The following MORN1 variants were observed in gnomAD, a reference collection of about 807,000 sequenced individuals.
The protein encoded by MORN1 is MORN repeat-containing protein 1.
Under a neutral mutation model 61.9 loss-of-function variants are expected in MORN1, and 67 were observed. The observed-to-expected ratio is 1.08, with a 90% CI of 0.89 to 1.33. MORN1 has a LOEUF of 1.33. Among genes scored for constraint, MORN1 ranks in the 40% most tolerant of loss-of-function variants. The pLI, the probability that MORN1 is intolerant of heterozygous loss-of-function variation, is 0.00. For synonymous variants in MORN1, 301 were observed against 292.0 expected (o/e 1.03, Z -0.31); for missense variants, 752 against 691.2 (o/e 1.09, Z -0.99).
At chr1:2,379,619 G>C (rs537669155) in intron 6 of MORN1, among the ~76,000 whole-genome samples, 1 of 152,210 alleles carries the variant, frequency 6.6e-6, no homozygotes. Context: ...GCGTCAAAGA[G>C]GGGGAGACCG....
At chr1:2,362,156 C>T (rs545896583) in intron 8 of MORN1, among the ~76,000 whole-genome samples, 6 of 152,098 alleles carry the variant, frequency 3.9e-5, no homozygotes, top group East Asian at 1.9e-4. Context: ...CACTTGAACC[C>T]GGGAGGTGGA....
intron 4 of MORN1, 174 bp downstream of exon 4, chr1:2,387,245 G>A (rs867138810): frequency 1.1e-5 from 7 of 629,850 alleles, no homozygotes; most frequent in Middle Eastern, 4.3e-4. Flanking sequence ...GGTGTATGCC[G>A]GGCATAGGAC....
chr1:2,387,351 G>A (rs548707602), intron 4 of MORN1, 68 bp downstream of exon 4: 1 of 1,186,888 alleles, frequency 8.4e-7, no homozygotes, highest in South Asian at 1.2e-5. Context: ...CTGAACCCAA[G>A]TGGACGTAGG....
intron 12 of MORN1, chr1:2,332,356 G>A (rs534439295): frequency 4.8e-4 from 165 of 341,016 alleles, no homozygotes; most frequent in African/African-American, 3.4e-3. Context: ...AGCATAGCCC[G>A]GCCACCCTGA....
intron 1 of MORN1, among the ~76,000 whole-genome samples, 186 bp from the exon 2 acceptor site, chr1:2,390,182 GCT>G (rs1642612384): frequency 6.6e-6 from 1 of 152,196 alleles, no homozygotes; most frequent in South Asian, 2.1e-4. Flanking sequence ...CCATTCATTT[GCT>G]CATTTGTTTA....
At chr1:2,363,216 G>A (rs773798681) in intron 8 of MORN1, 1 of 152,210 alleles carries the variant, frequency 6.6e-6, no homozygotes, top group Non-Finnish European at 1.5e-5. Flanking sequence ...TAATTGTACA[G>A]TTCTTACGCA....
At chr1:2,325,387 G>A (rs1036592717) in intron 12 of MORN1, among the ~76,000 whole-genome samples, 16 of 150,346 alleles carry the variant, frequency 1.1e-4, no homozygotes, top group African/African-American at 2.5e-4. Context: ...AGCTCACTGC[G>A]GCCTCCAACT....
Position 2,321,392 on chromosome 1 carries a change from C to T in MORN1, c.1485G>A (p.Ala495=), listed in dbSNP as rs372417316. 798 of 1,524,540 alleles carry T rather than the reference C, an allele frequency of 5.2e-4. 1 individual carries two copies. The highest frequency in any genetic ancestry group is 6.5e-4 in the Non-Finnish European group (742 of 1,135,926). The allele number at this position is 1,524,540 out of a possible 1,614,324, so 94.4% of individuals were successfully genotyped here. A position where few individuals can be genotyped will look rare whatever the true frequency, so the allele number is the denominator to read the frequency against. Residue 495 remains alanine (A), a synonymous_variant, in exon 14 of 14, where the codon GCG becomes GCA. Coordinates refer to ENST00000378531, the MANE Select transcript of MORN1 (RefSeq NM_024848.3). ...AAHSCTPEPP[A]PR ...CTGTGGACACGGGGCCTCACCGAGG[C>T]GCTGGCGGCTCTGGGGTGCAGCTGT... is the stretch of plus-strand genomic sequence containing the variant.
At chr1:2,348,578 A>AGTGCACACACACGCATGCGCACATAC (rs1641566804) in intron 10 of MORN1, among the ~76,000 whole-genome samples, 1 of 151,824 alleles carries the variant, frequency 6.6e-6, no homozygotes, top group Non-Finnish European at 1.5e-5. Flanking sequence ...AGAGCCGGAG[A>AGTGCACACACACGCATGCGCACATAC]GTGCACACAC....
chr1:2,325,132 T>TTCTC (rs1640983604), intron 12 of MORN1, among the ~76,000 whole-genome samples: 1 of 19,542 alleles, frequency 5.1e-5, no homozygotes, highest in African/African-American at 4.9e-4. Context: ...CCTTCCTTCC[T>TTCTC]TCCCTCCCTC....
intron 10 of MORN1, chr1:2,350,847 T>C (rs777126435): frequency 1.1e-4 from 16 of 152,262 alleles, no homozygotes; most frequent in Admixed American, 3.9e-4. Flanking sequence ...CGCTGAGACA[T>C]TGGCAATTGC....
intron 12 of MORN1, among the ~76,000 whole-genome samples, chr1:2,325,452 C>A (rs1307042457): frequency 1.3e-5 from 2 of 151,444 alleles, no homozygotes; most frequent in African/African-American, 4.8e-5. Context: ...GCTGGGACCA[C>A]AGGAGTGTGG....
chr1:2,348,683 GCACGCACACA>G (rs1320912854), intron 10 of MORN1, among the ~76,000 whole-genome samples: 1 of 148,192 alleles, frequency 6.7e-6, no homozygotes, highest in African/African-American at 2.5e-5. Flanking sequence ...ACCTGCGCAG[GCACGCACACA>G]CACGCACGCA....
chr1:2,378,531 GGAGCCACCTGCTCCGTGCAGTGA>G (rs1642296000), intron 6 of MORN1: 1 of 183,586 alleles, frequency 5.4e-6, no homozygotes, highest in Non-Finnish European at 1.2e-5. Context: ...CCGCCCAGAA[GGAGCCACCTGCTCCGTGCAGTGA>G]GCAGGTGCTC....
At chr1:2,326,861 T>C (rs1641036657) in intron 12 of MORN1, among the ~76,000 whole-genome samples, 1 of 152,146 alleles carries the variant, frequency 6.6e-6, no homozygotes, top group South Asian at 2.1e-4. Flanking sequence ...GGTTGGTGTC[T>C]GGGGATCAGG....
rs754788732 is a variant in MORN1, at chr1:2,372,463, C to T, written c.745+18G>A. ...CTCTTTTGGAAACGTTAGGTCATCT[C>T]CCCCTGGAGATGCTTACTCTTGGCA... On this transcript the variant is annotated intron_variant, in intron 8 of 13. Coordinates refer to ENST00000378531, the MANE Select transcript of MORN1 (RefSeq NM_024848.3). This position sits in a 1 kb window ranked among gnomAD's most constrained non-coding sequence, Gnocchi z 5.4. 3 of 1,591,152 alleles carry T rather than the reference C, an allele frequency of 1.9e-6. No homozygotes were observed. Among genetic ancestry groups the T allele is most frequent in the Non-Finnish European group, 2.6e-6 (3 of 1,162,796 alleles).
At chr1:2,366,723 A>G (rs962419494) in intron 8 of MORN1, among the ~76,000 whole-genome samples, 1 of 152,042 alleles carries the variant, frequency 6.6e-6, no homozygotes, top group African/African-American at 2.4e-5. Context: ...TTTAGTAGAG[A>G]TGGGGCTTCA....
intron 8 of MORN1, among the ~76,000 whole-genome samples, chr1:2,364,283 G>A (rs960680675): frequency 2.6e-5 from 4 of 152,124 alleles, no homozygotes; most frequent in Admixed American, 2.6e-4. Flanking sequence ...CCCAATAACA[G>A]AGCCCCAAAA....
intron 12 of MORN1, among the ~76,000 whole-genome samples, chr1:2,327,678 G>T (rs908659342): frequency 6.6e-6 from 1 of 152,254 alleles, no homozygotes; most frequent in Non-Finnish European, 1.5e-5. Context: ...AGATGGGGTG[G>T]ACGAGGCGGC....
Sources: gnomAD v4.1 joint callset for allele counts (sites outside exome capture counted in the v4.1 genomes callset) on GRCh38, gnomAD v4.1.1 for gene constraint, Gnocchi (gnomAD v3.1) non-coding constraint, MANE v1.5 for transcripts, NCBI Gene and HGNC (gene_info 2026-07-23, HGNC 2026-07-21) for gene names.